The following MYOM2 variants were observed in gnomAD, a reference collection of about 807,000 sequenced individuals.
MYOM2 encodes the protein myomesin 2.
A neutral mutation model predicts 187.6 loss-of-function variants in MYOM2; 254 were observed. The ratio of observed to expected loss-of-function variants is 1.35; its 90% CI spans 1.22 to 1.50. The LOEUF is 1.50. Ranked by LOEUF, MYOM2 falls within the 40% of genes most tolerant of loss-of-function variation. The pLI, the probability that MYOM2 is intolerant of heterozygous loss-of-function variation, is 0.00. For missense variants in MYOM2, 2,796 were observed against 1,924.0 expected, an observed-to-expected ratio of 1.45 and a Z score of -8.48; for synonymous variants, 981 against 753.8, an observed-to-expected ratio of 1.30 and a Z score of -4.94.
Position 2,057,665 on chromosome 8 carries a change from C to G in MYOM2, c.445C>G (p.Arg149Gly). The stretch of plus-strand genomic sequence containing the variant: ...CTGGGAGAGACACACATTTGAAGAG[C>G]GGATAAGCAGGGCTCCTGAGATCCT... ...LAWERHTFEERISRAPEILVR... is the reference protein window; with the variant it reads ...LAWERHTFEEGISRAPEILVR... The change falls in exon 5 of 37, where the codon CGG becomes GGG. Residue 149 changes from arginine to glycine, a missense_variant. Coordinates refer to ENST00000262113, the MANE Select transcript of MYOM2 (RefSeq NM_003970.4). 1 of 1,614,040 alleles carries G rather than the reference C, an allele frequency of 6.2e-7. No individual in the cohort carries two copies. The highest frequency in any genetic ancestry group is 8.5e-7 in the Non-Finnish European group (1 of 1,179,996).
Position 2,079,604 on chromosome 8 carries a change from G to T in MYOM2, c.1507G>T (p.Asp503Tyr). 6.8e-6 allele frequency: 11 copies of T among 1,614,156 alleles called. No individual in the cohort carries two copies. The highest frequency in any genetic ancestry group is 9.3e-6 in the Non-Finnish European group (11 of 1,180,026). Reference sequence around the variant, plus strand: ...GAAGGAGATTGCCATTTATCAGGATGACCTTGAAGGTAAGTAGCACCTCAT... The same window carrying T: ...GAAGGAGATTGCCATTTATCAGGATTACCTTGAAGGTAAGTAGCACCTCAT... Reference protein sequence around the residue: ...GEKEIAIYQDDLEGDAQVPGP... With the variant: ...GEKEIAIYQDYLEGDAQVPGP... The change falls in exon 13 of 37, where the codon GAC becomes TAC. Residue 503 changes from aspartate to tyrosine, a missense_variant. Asp to Tyr is a radical substitution (Grantham distance 160, BLOSUM62 -3). Transcript: ENST00000262113.
intron 6 of MYOM2, among the ~76,000 whole-genome samples, chr8:2,065,940 G>T (rs1819004990): frequency 6.6e-6 from 1 of 152,226 alleles, no homozygotes; most frequent in Non-Finnish European, 1.5e-5. Context: ...GGAGATTCCA[G>T]TTGAGAGCCG....
chr8:2,062,648 G>C (rs1223916700), intron 6 of MYOM2, among the ~76,000 whole-genome samples: 1 of 152,112 alleles, frequency 6.6e-6, no homozygotes, highest in Non-Finnish European at 1.5e-5. Context: ...TCCGAAAGTT[G>C]TGGGAGTTTT....
intron 6 of MYOM2, among the ~76,000 whole-genome samples, chr8:2,068,602 A>G (rs1330713410): frequency 1.3e-5 from 2 of 151,252 alleles, no homozygotes; most frequent in East Asian, 4.0e-4. Flanking sequence ...TGCACTAGGC[A>G]GAGAGCATCC....
chr8:2,095,213 C>T (rs1796437958), intron 17 of MYOM2, among the ~76,000 whole-genome samples: 3 of 152,008 alleles, frequency 2.0e-5, no homozygotes, highest in Admixed American at 2.0e-4. Flanking sequence ...GATTAATCTC[C>T]TCTCAATTTT....
intron 31 of MYOM2, among the ~76,000 whole-genome samples, chr8:2,124,833 CTGA>C (rs1476168964): frequency 1.3e-5 from 2 of 152,108 alleles, no homozygotes; most frequent in African/African-American, 4.8e-5. Flanking sequence ...TTGCATTTCC[CTGA>C]TGATTAGAGA....
At position 2,106,320 on chromosome 8, in the gene MYOM2, C is replaced by T. The variant is rs186389832; in HGVS notation, c.2813C>T (p.Ala938Val). The T allele has an allele frequency of 3.1e-5, 50 of 1,614,086 alleles. No homozygotes were observed. The highest frequency in any genetic ancestry group is 8.3e-5 in the Admixed American group (5 of 60,022). ...LGFDCQEMTD[A>V]SQFTWCKSYE... ...TTCGACTGCCAGGAAATGACAGACGCGTCTCAGTTCACCTGGTGTAAATCC... is the reference window on the plus strand; with the variant it reads ...TTCGACTGCCAGGAAATGACAGACGTGTCTCAGTTCACCTGGTGTAAATCC... Residue 938 changes from alanine (A) to valine (V), a missense_variant, in exon 22 of 37, where the codon GCG (alanine) becomes GTG (valine). Physicochemically the swap from Ala to Val is moderately conservative, Grantham distance 64. Transcript: ENST00000262113.
At chr8:2,070,250 C>A (rs530199693) in intron 8 of MYOM2, among the ~76,000 whole-genome samples, 3 of 152,166 alleles carry the variant, frequency 2.0e-5, no homozygotes, top group Admixed American at 1.3e-4. Flanking sequence ...CCGTACATTC[C>A]GATGGAAGCA....
intron 31 of MYOM2, among the ~76,000 whole-genome samples, chr8:2,125,751 G>A (rs185942480): frequency 3.7e-4 from 56 of 151,414 alleles, no homozygotes; most frequent in African/African-American, 1.3e-3. Flanking sequence ...GGGACTACAG[G>A]CACGCATCAC....
intron 10 of MYOM2, among the ~76,000 whole-genome samples, chr8:2,073,846 G>A (rs932407597): frequency 3.3e-5 from 5 of 152,190 alleles, no homozygotes; most frequent in African/African-American, 1.2e-4. Flanking sequence ...GGATGAAGAG[G>A]GGCACAGTGT....
intron 14 of MYOM2, among the ~76,000 whole-genome samples, chr8:2,086,497 C>CACTGTTGTGATCTCTGCGTGGCCCCA (rs1796076192): frequency 7.0e-6 from 1 of 142,006 alleles, no homozygotes; most frequent in African/African-American, 2.6e-5. Context: ...GTGTGGCCCC[C>CACTGTTGTGATCTCTGCGTGGCCCCA]CACTGTCGTG....
chr8:2,101,209 A>G (rs1035264666), intron 20 of MYOM2, among the ~76,000 whole-genome samples, 155 bp downstream of exon 20: 1 of 152,116 alleles, frequency 6.6e-6, no homozygotes, highest in African/African-American at 2.4e-5. Context: ...TTAGCCGGGC[A>G]TGGCACCGTG....
At chr8:2,127,358 C>G (rs1056475554) in intron 31 of MYOM2, among the ~76,000 whole-genome samples, 11 of 152,182 alleles carry the variant, frequency 7.2e-5, no homozygotes, top group Non-Finnish European at 1.3e-4. Flanking sequence ...CAGGGACCCT[C>G]CAAGTCCTGA....
rs112066370 is a variant in MYOM2, at chr8:2,097,355, A to G, written c.2313+921A>G. Reference sequence around the variant, plus strand: ...ATGTTCTCAACTTAAAAATTATTTTATTTTTAATTGACAAATAATAATTGT... The same window carrying G: ...ATGTTCTCAACTTAAAAATTATTTTGTTTTTAATTGACAAATAATAATTGT... On this transcript the variant is annotated intron_variant, in intron 18 of 36. Transcript: ENST00000262113. Among the ~76,000 whole-genome samples the G allele has an allele frequency of 3.2e-3, 486 of 152,230 alleles. 22 individuals are homozygous for G. The East Asian group carries it at 0.081, about 25-fold the overall frequency.
intron 25 of MYOM2, among the ~76,000 whole-genome samples, chr8:2,110,441 G>T (rs924019702): frequency 6.6e-6 from 1 of 152,172 alleles, no homozygotes; most frequent in East Asian, 1.9e-4. Flanking sequence ...TTTGTCTGGA[G>T]AATATTTGAG....
intron 3 of MYOM2, among the ~76,000 whole-genome samples, chr8:2,054,156 T>G: frequency 6.6e-6 from 1 of 152,160 alleles, no homozygotes; most frequent in East Asian, 1.9e-4. Context: ...AACGTGGATA[T>G]TAGTTTAGCG....
At chr8:2,131,050 C>A (rs1461859750) in intron 32 of MYOM2, among the ~76,000 whole-genome samples, 1 of 152,164 alleles carries the variant, frequency 6.6e-6, no homozygotes, top group East Asian at 1.9e-4. Flanking sequence ...CCCTCTTCAG[C>A]CTTGTGTGGT....
chr8:2,046,744 CTTTTTTCT>C (rs776083442), intron 1 of MYOM2, among the ~76,000 whole-genome samples: 190 of 90,264 alleles, frequency 2.1e-3, no homozygotes, highest in Middle Eastern at 6.6e-3. Flanking sequence ...CTCTCTCTTT[CTTTTTTCT>C]TTTTTTTTTT....
rs115323044 is a variant in MYOM2 at position 2,082,533 on chromosome 8, A to T, written c.1517-2730A>T. Among the ~76,000 whole-genome samples, 1,445 of 152,250 alleles carry T rather than the reference A, an allele frequency of 9.5e-3. 29 individuals are homozygous for T. Among genetic ancestry groups the T allele is most frequent in the African/African-American group, 0.033 (1,363 of 41,536 alleles). ...TTTGACTTTTTGCCGAGTTTTTCTC[A>T]CCATTTTAATCTTGGGCAATGTCTT... On this transcript the variant is annotated intron_variant, in intron 13 of 36. Coordinates refer to ENST00000262113, the MANE Select transcript of MYOM2 (RefSeq NM_003970.4).
Sources: allele counts gnomAD v4.1 joint callset (sites outside exome capture counted in the v4.1 genomes callset), GRCh38; gene constraint gnomAD v4.1.1; transcripts MANE v1.5; gene names NCBI Gene and HGNC (gene_info 2026-07-23, HGNC 2026-07-21).